Variants in TTLL5 observed in about 807,000 individuals in gnomAD.
The protein encoded by TTLL5 is tubulin tyrosine ligase like 5.
TTLL5 carries 132 observed loss-of-function variants against 168.4 expected under a neutral mutation model. The ratio of observed to expected loss-of-function variants is 0.78; its 90% confidence interval spans 0.68 to 0.91. The LOEUF is 0.91. TTLL5 is among the 40% of genes least tolerant of loss of function. The pLI is 0.00. For missense variants in TTLL5, 1,545 were observed against 1,581.5 expected, an observed-to-expected ratio of 0.98 and a Z score of 0.39; for synonymous variants, 546 against 558.6, an observed-to-expected ratio of 0.98 and a Z score of 0.32.
chr14:75,883,188 T>G (rs1057223423), intron 30 of TTLL5, among the ~76,000 whole-genome samples: 1 of 152,268 alleles, frequency 6.6e-6, no homozygotes, highest in African/African-American at 2.4e-5. Context: ...TTCCCCTTGG[T>G]TTGTTCACTT....
At chr14:75,808,141 A>G (rs1225408695) in intron 27 of TTLL5, among the ~76,000 whole-genome samples, 2 of 152,164 alleles carry the variant, frequency 1.3e-5, no homozygotes, top group African/African-American at 2.4e-5. Flanking sequence ...AGATTTGCCC[A>G]TTTTGTCAGG....
chr14:75,827,841 C>T (rs1399326733), intron 28 of TTLL5, among the ~76,000 whole-genome samples: 2 of 149,888 alleles, frequency 1.3e-5, no homozygotes, highest in Admixed American at 1.3e-4. Flanking sequence ...CCTCAGCCTC[C>T]CAAGTAGCTG....
rs199828180 is a variant in TTLL5 at position 75,719,719 on chromosome 14, T to C, written c.843-16T>C. ...CCTAGTTACATATGTGACTTTGATTTATTAATTTGTTTTAGTTGTGACGAT... is the reference window on the plus strand; with the variant it reads ...CCTAGTTACATATGTGACTTTGATTCATTAATTTGTTTTAGTTGTGACGAT... On this transcript the variant is annotated splice_polypyrimidine_tract_variant and intron_variant, in intron 10 of 31. Transcript: ENST00000298832. 12 of 1,592,540 alleles carry C rather than the reference T, an allele frequency of 7.5e-6. No homozygotes were observed. The African/African-American group carries it at 1.6e-4, about 22-fold the overall frequency.
At chr14:75,727,453 C>T (rs1888252545) in intron 12 of TTLL5, among the ~76,000 whole-genome samples, 1 of 152,108 alleles carries the variant, frequency 6.6e-6, no homozygotes, top group African/African-American at 2.4e-5. Context: ...CAAGAAACTA[C>T]ATATTACATT....
chr14:75,773,925 TATAGAGAGAGAG>T (rs1278499488), intron 21 of TTLL5, among the ~76,000 whole-genome samples: 1 of 26,274 alleles, frequency 3.8e-5, no homozygotes, highest in African/African-American at 1.3e-4. Flanking sequence ...TATATATATA[TATAGAGAGAGAG>T]AGAGAGAGAG....
At chr14:75,772,367 A>C (rs139482324) in intron 21 of TTLL5, among the ~76,000 whole-genome samples, 2 of 152,196 alleles carry the variant, frequency 1.3e-5, no homozygotes, top group Non-Finnish European at 2.9e-5. Context: ...ATTGTAAAGC[A>C]TTTATTTTCT....
In TTLL5 at chr14:75,902,694, C is replaced by G. The variant is rs2032977882; in HGVS notation, c.3823+470C>G. ...CTTTGATCTACGTGTTGTGCTAATG[C>G]CATGGTCTGTGGACAGGTTGTTACT... On this transcript the variant is annotated intron_variant, in intron 31 of 31. Transcript: ENST00000298832. 1.1e-5 allele frequency: 5 copies of G among 448,660 alleles called. No homozygotes were observed. In the Admixed American group the frequency reaches 1.2e-4, roughly 11 times the overall value. The allele number at this position is 448,660 out of a possible 1,614,324, so 27.8% of individuals were successfully genotyped here. A position where few individuals can be genotyped will look rare whatever the true frequency, so the allele number is the denominator to read the frequency against.
intron 9 of TTLL5, chr14:75,711,834 T>A (rs1887097815): frequency 6.6e-6 from 1 of 152,356 alleles, no homozygotes; most frequent in African/African-American, 2.4e-5. Context: ...CAGGGATATT[T>A]ACCTTTTCTC....
intron 12 of TTLL5, among the ~76,000 whole-genome samples, chr14:75,731,300 G>A (rs955670994): frequency 3.3e-5 from 5 of 151,614 alleles, no homozygotes; most frequent in Admixed American, 2.0e-4. Flanking sequence ...CAGTTTTTTT[G>A]AGGGTCACAG....
At chr14:75,814,600 T>C (rs922955289) in intron 27 of TTLL5, 6 of 152,212 alleles carry the variant, frequency 3.9e-5, no homozygotes, top group South Asian at 2.1e-4. Flanking sequence ...AAAGCCAGAA[T>C]TGATGCTTAG....
intron 30 of TTLL5, among the ~76,000 whole-genome samples, chr14:75,888,325 A>G (rs1283964845): frequency 6.6e-6 from 1 of 152,244 alleles, no homozygotes; most frequent in Non-Finnish European, 1.5e-5. Flanking sequence ...TTGCTGATTC[A>G]TATTGGCATA....
chr14:75,734,505 C>T (rs185104730), intron 14 of TTLL5, among the ~76,000 whole-genome samples: 19 of 152,120 alleles, frequency 1.2e-4, no homozygotes, highest in Admixed American at 3.3e-4. Flanking sequence ...AGTGGAGATG[C>T]GCAGTCAGGT....
At chr14:75,866,862 G>A (rs2030557906) in intron 29 of TTLL5, among the ~76,000 whole-genome samples, 1 of 152,194 alleles carries the variant, frequency 6.6e-6, no homozygotes, top group East Asian at 1.9e-4. Flanking sequence ...ACATGGGAGT[G>A]AGAGAGGAAA....
chr14:75,926,188 T>C (rs1017312148), intron 31 of TTLL5, among the ~76,000 whole-genome samples: 1 of 122,886 alleles, frequency 8.1e-6, no homozygotes, highest in African/African-American at 3.1e-5. Context: ...TTTTTTTGCT[T>C]TCCATTTGCC....
chr14:75,771,109 C>A (rs566736739), intron 20 of TTLL5, among the ~76,000 whole-genome samples: 1 of 152,056 alleles, frequency 6.6e-6, no homozygotes, highest in Non-Finnish European at 1.5e-5. Flanking sequence ...CCTGTCTGTT[C>A]CCCCAAGAAA....
rs149142811 is a variant in TTLL5, at chr14:75,931,816, A to G, written c.3824-22608A>G. On this transcript the variant is annotated intron_variant, in intron 31 of 31. Transcript: ENST00000298832. ...ATTGCACAAGATGTTTCCTCTTCCT[A>G]GAAATCCCATCCCTTACTATCAACT... Among the ~76,000 whole-genome samples, 254 of 152,288 alleles carry G rather than the reference A, an allele frequency of 1.7e-3. 2 individuals are homozygous for G. The highest frequency in any genetic ancestry group is 0.014 in the South Asian group (67 of 4,822).
intron 31 of TTLL5, among the ~76,000 whole-genome samples, chr14:75,927,127 C>T (rs1380823098): frequency 6.6e-6 from 1 of 152,036 alleles, no homozygotes; most frequent in East Asian, 1.9e-4. Flanking sequence ...TTTGTGGGTA[C>T]ATAGTAGGTG....
chr14:75,887,764 T>C (rs1356450486), intron 30 of TTLL5, among the ~76,000 whole-genome samples: 2 of 152,208 alleles, frequency 1.3e-5, no homozygotes, highest in Admixed American at 6.5e-5. Flanking sequence ...TCCTAAAATA[T>C]TGCTTTTGAA....
chr14:75,863,441 C>T (rs1213798136), intron 28 of TTLL5, among the ~76,000 whole-genome samples: 1 of 152,154 alleles, frequency 6.6e-6, no homozygotes, highest in Non-Finnish European at 1.5e-5. Context: ...TGTGCCAGGC[C>T]TTATGATACG....
Sources: allele counts gnomAD v4.1 joint callset (sites outside exome capture counted in the v4.1 genomes callset), GRCh38; gene constraint gnomAD v4.1.1; transcripts MANE v1.5; gene names NCBI Gene and HGNC (gene_info 2026-07-23, HGNC 2026-07-21).